The following CSNK2A2IP variants were observed in gnomAD, a reference collection of about 807,000 sequenced individuals.
CSNK2A2IP encodes the protein casein kinase 2 subunit alpha' interacting protein, also known as casein kinase II subunit alpha'-interacting protein.
chr3:88,360,809 TA>T, the CSNK2A2IP span, among the ~76,000 whole-genome samples: 1 of 120,312 alleles, frequency 8.3e-6, no homozygotes, highest in Non-Finnish European at 2.1e-5. Flanking sequence ...CAGTATGTTT[TA>T]ATTTTTTGGT....
At chr3:88,367,955 C>A in the CSNK2A2IP span, among the ~76,000 whole-genome samples, 1 of 151,870 alleles carries the variant, frequency 6.6e-6, no homozygotes, top group African/African-American at 2.4e-5. Flanking sequence ...TAGCAGTGAG[C>A]GTTCTGTTGT....
chr3:88,397,272 G>C, the CSNK2A2IP span, among the ~76,000 whole-genome samples: 1 of 152,134 alleles, frequency 6.6e-6, no homozygotes, highest in African/African-American at 2.4e-5. Context: ...AGTATGTCAA[G>C]ACTATCCTGT....
the CSNK2A2IP span, among the ~76,000 whole-genome samples, chr3:88,388,524 C>G: frequency 2.0e-5 from 3 of 152,048 alleles, no homozygotes; most frequent in African/African-American, 7.2e-5. Flanking sequence ...ACAGGAAGTG[C>G]AAATGTACAG....
At chr3:88,446,739 T>C in the CSNK2A2IP span, among the ~76,000 whole-genome samples, 2 of 152,218 alleles carry the variant, frequency 1.3e-5, no homozygotes, top group Non-Finnish European at 2.9e-5. Flanking sequence ...TGCGATGAAT[T>C]CTTGATTTGA....
chr3:88,396,344 A>T, the CSNK2A2IP span, among the ~76,000 whole-genome samples: 1 of 151,952 alleles, frequency 6.6e-6, no homozygotes, highest in Non-Finnish European at 1.5e-5. Context: ...TGACCTCGTG[A>T]TCCGCCCGCC....
the CSNK2A2IP span, among the ~76,000 whole-genome samples, chr3:88,418,803 C>A: frequency 6.6e-6 from 1 of 152,066 alleles, no homozygotes; most frequent in African/African-American, 2.4e-5. Context: ...ACACCTAGGC[C>A]ACTGTCTGGT....
At chr3:88,465,055 T>C in the CSNK2A2IP span, 3 of 230,066 alleles carry the variant, frequency 1.3e-5, no homozygotes, top group Non-Finnish European at 1.7e-5. Context: ...TATCAGGACC[T>C]CTTCTGACCT....
the CSNK2A2IP span, among the ~76,000 whole-genome samples, chr3:88,440,927 A>AG: frequency 0.014 from 2,065 of 152,280 alleles, 39 homozygotes; most frequent in African/African-American, 0.048. Context: ...TTAGAATTTC[A>AG]AAAAAGAGGA....
At chr3:88,399,596 A>G in the CSNK2A2IP span, 2 of 152,326 alleles carry the variant, frequency 1.3e-5, no homozygotes, top group South Asian at 2.1e-4. Context: ...GTGATAAATA[A>G]AACTGATTCT....
At chr3:88,431,662 A>C in the CSNK2A2IP span, among the ~76,000 whole-genome samples, 1 of 152,222 alleles carries the variant, frequency 6.6e-6, no homozygotes, top group Non-Finnish European at 1.5e-5. Context: ...GTTTTAAAAT[A>C]AAGTTAGAAG....
the CSNK2A2IP span, among the ~76,000 whole-genome samples, chr3:88,439,875 TAC>T: frequency 6.6e-6 from 1 of 152,208 alleles, no homozygotes; most frequent in Admixed American, 6.5e-5. Context: ...ACCTCCGGTT[TAC>T]ACATGAGTAG....
the CSNK2A2IP span, among the ~76,000 whole-genome samples, chr3:88,377,437 C>A: frequency 6.6e-6 from 1 of 151,714 alleles, no homozygotes; most frequent in Non-Finnish European, 1.5e-5. Flanking sequence ...TCTATCAGTA[C>A]TGCTATGTTC....
chr3:88,368,147 AAAACTGTTTGCAGCC>A, the CSNK2A2IP span, among the ~76,000 whole-genome samples: 1 of 151,978 alleles, frequency 6.6e-6, no homozygotes, highest in African/African-American at 2.4e-5. Flanking sequence ...TTTCATTGTT[AAAACTGTTTGCAGCC>A]AAATTGAGAT....
At chr3:88,450,802 G>C in the CSNK2A2IP span, among the ~76,000 whole-genome samples, 1 of 152,032 alleles carries the variant, frequency 6.6e-6, no homozygotes, top group East Asian at 1.9e-4. Context: ...AAATAATGCT[G>C]CAATGAACAT....
At chr3:88,419,787 G>T in the CSNK2A2IP span, among the ~76,000 whole-genome samples, 1 of 152,136 alleles carries the variant, frequency 6.6e-6, no homozygotes, top group Non-Finnish European at 1.5e-5. Context: ...TAATGACAAA[G>T]AGAATCCCAA....
At chr3:88,436,375 A>T in the CSNK2A2IP span, among the ~76,000 whole-genome samples, 1 of 152,226 alleles carries the variant, frequency 6.6e-6, no homozygotes, top group African/African-American at 2.4e-5. Context: ...TAATTTCAGG[A>T]TTCAGAAAAG....
chr3:88,456,374 G>A, the CSNK2A2IP span, among the ~76,000 whole-genome samples: 1 of 151,874 alleles, frequency 6.6e-6, no homozygotes, highest in East Asian at 1.9e-4. Context: ...TCTTTTATCA[G>A]TTGTTTTATA....
chr3:88,377,028 C>T, the CSNK2A2IP span, among the ~76,000 whole-genome samples: 13 of 151,734 alleles, frequency 8.6e-5, no homozygotes, highest in Non-Finnish European at 1.5e-4. Context: ...AAAAAGAAGG[C>T]GTTCCTTAAA....
the CSNK2A2IP span, among the ~76,000 whole-genome samples, chr3:88,405,615 A>G: frequency 6.6e-6 from 1 of 152,198 alleles, no homozygotes; most frequent in Non-Finnish European, 1.5e-5. Flanking sequence ...CCTGGACTCT[A>G]GCAATATCTC....
Sources: gnomAD v4.1 joint callset for allele counts (sites outside exome capture counted in the v4.1 genomes callset) on GRCh38, gnomAD v4.1.1 for gene constraint, MANE v1.5 for transcripts, NCBI Gene and HGNC (gene_info 2026-07-23, HGNC 2026-07-21) for gene names.